Variants in RANBP17 observed in about 807,000 individuals in gnomAD.
RANBP17 encodes the protein ran-binding protein 17.
A neutral mutation model predicts 141.2 loss-of-function variants in RANBP17; 158 were observed. That is an observed-to-expected ratio of 1.12 (90% CI 0.98 to 1.28). The LOEUF (loss-of-function observed/expected upper bound fraction) is 1.28, where lower values mean the gene tolerates loss of function less well. Among genes scored for constraint, RANBP17 ranks in the 50% most tolerant of loss-of-function variants. The pLI, the probability that RANBP17 is intolerant of heterozygous loss-of-function variation, is 0.00. For synonymous variants in RANBP17, 430 were observed against 450.0 expected, an observed-to-expected ratio of 0.96 and a Z score of 0.56; for missense variants, 1,438 against 1,290.7, an observed-to-expected ratio of 1.11 and a Z score of -1.75.
At chr5:171,066,196 T>C (rs1784303645) in intron 14 of RANBP17, among the ~76,000 whole-genome samples, 1 of 152,178 alleles carries the variant, frequency 6.6e-6, no homozygotes, top group Admixed American at 6.5e-5. Flanking sequence ...GAAATAAAAC[T>C]AAATTTGTTC....
At chr5:170,871,384 C>A (rs1051549874) in intron 1 of RANBP17, among the ~76,000 whole-genome samples, 1 of 152,016 alleles carries the variant, frequency 6.6e-6, no homozygotes, top group African/African-American at 2.4e-5. Flanking sequence ...TTGTTTTTTT[C>A]TTTAAATTTG....
At chr5:171,252,449 C>T in intron 24 of RANBP17, 1 of 1,499,586 alleles carries the variant, frequency 6.7e-7, no homozygotes, top group South Asian at 1.1e-5. Context: ...ACATCAATTA[C>T]TCACTGCTTA....
At position 171,060,558 on chromosome 5, in the gene RANBP17, G is replaced by A. The variant is rs541806572; in HGVS notation, c.1710+92181G>A. 1.3e-3 allele frequency among the ~76,000 whole-genome samples: 204 copies of A among 152,172 alleles called. 2 individuals are homozygous for A. Among genetic ancestry groups the A allele is most frequent in the Middle Eastern group, 6.8e-3 (2 of 294 alleles). On this transcript the variant is annotated intron_variant, in intron 14 of 27. Transcript: ENST00000523189. The stretch of plus-strand genomic sequence containing the variant: ...AGCTTTTTGATGTGGTGCTGGATTC[G>A]GTTTGTCAGTATTTTATTGAGGATT...
At chr5:170,989,365 C>T (rs1778354246) in intron 14 of RANBP17, among the ~76,000 whole-genome samples, 1 of 151,710 alleles carries the variant, frequency 6.6e-6, no homozygotes, top group African/African-American at 2.4e-5. Context: ...CATTTGGAAA[C>T]ATAAGTCATA....
chr5:171,282,381 C>T (rs1000036215), intron 25 of RANBP17, among the ~76,000 whole-genome samples: 2 of 152,152 alleles, frequency 1.3e-5, no homozygotes, highest in African/African-American at 4.8e-5. Context: ...GTCCTCTTGA[C>T]GAAGGCACAG....
intron 22 of RANBP17, among the ~76,000 whole-genome samples, chr5:171,239,685 G>A (rs1764742162): frequency 6.6e-6 from 1 of 152,116 alleles, no homozygotes; most frequent in Non-Finnish European, 1.5e-5. Context: ...GGGGTGAGAA[G>A]GTAGCTGGTG....
At chr5:171,199,957 A>C (rs1762206743) in intron 19 of RANBP17, among the ~76,000 whole-genome samples, 184 bp downstream of exon 19, 1 of 152,170 alleles carries the variant, frequency 6.6e-6, no homozygotes. Context: ...ATGGACTTTG[A>C]GGTCAGCAAA....
intron 25 of RANBP17, among the ~76,000 whole-genome samples, chr5:171,290,741 A>C (rs1290715136): frequency 1.3e-5 from 2 of 152,224 alleles, no homozygotes; most frequent in African/African-American, 4.8e-5. Flanking sequence ...ATAGTTGTGA[A>C]GAGACTATAA....
chr5:170,878,356 G>T, intron 2 of RANBP17, 113 bp downstream of exon 2: 2 of 937,940 alleles, frequency 2.1e-6, no homozygotes, highest in Non-Finnish European at 3.0e-6. Context: ...TGGTTTTTTT[G>T]TTTTTGTGAA....
At chr5:171,131,537 A>G (rs1756920407) in intron 14 of RANBP17, among the ~76,000 whole-genome samples, 1 of 152,258 alleles carries the variant, frequency 6.6e-6, no homozygotes, top group African/African-American at 2.4e-5. Flanking sequence ...TTATTAGGCA[A>G]GGATTGTCTA....
At chr5:171,234,037 T>C (rs1764372480) in intron 22 of RANBP17, among the ~76,000 whole-genome samples, 1 of 151,440 alleles carries the variant, frequency 6.6e-6, no homozygotes, top group Non-Finnish European at 1.5e-5. Context: ...GCTGTGATCC[T>C]TAAACTCCTT....
intron 14 of RANBP17, among the ~76,000 whole-genome samples, chr5:170,992,592 A>G (rs1778578059): frequency 6.6e-6 from 1 of 152,070 alleles, no homozygotes; most frequent in African/African-American, 2.4e-5. Context: ...GCATATCTCC[A>G]TGGTACATGT....
chr5:171,186,253 T>C (rs573309362), intron 18 of RANBP17, among the ~76,000 whole-genome samples: 51 of 152,300 alleles, frequency 3.3e-4, no homozygotes, highest in Admixed American at 1.1e-3. Flanking sequence ...TTCATCTACA[T>C]TGAAAATCTG....
rs969649252 is a variant in RANBP17, at chr5:171,241,092, C to G, written c.2587C>G (p.Leu863Val). 2 of 1,613,722 alleles carry G rather than the reference C, an allele frequency of 1.2e-6. No homozygotes were observed. The highest frequency in any genetic ancestry group is 1.7e-6 in the Non-Finnish European group (2 of 1,179,906). ...TGGGGACAACCATTTTGACAATGTA[C>G]TCCAGGCTTTTGTCAAAATGCTGCT... Reference protein sequence around the residue: ...LYGDNHFDNVLQAFVKMLLSV... With the variant: ...LYGDNHFDNVVQAFVKMLLSV... Residue 863 changes from leucine (L) to valine (V), a missense_variant, in exon 23 of 28, where the codon CTC (leucine) becomes GTC (valine). Coordinates refer to ENST00000523189, the MANE Select transcript of RANBP17 (RefSeq NM_022897.5).
chr5:171,282,845 G>GTTTAACCATTCTCC (rs1767938811), intron 25 of RANBP17, among the ~76,000 whole-genome samples: 7 of 152,060 alleles, frequency 4.6e-5, no homozygotes, highest in African/African-American at 1.7e-4. Flanking sequence ...ACCCTGTGGA[G>GTTTAACCATTCTCC]AATGGTTAAA....
intron 5 of RANBP17, among the ~76,000 whole-genome samples, chr5:170,908,368 A>G (rs1295674784): frequency 6.6e-6 from 1 of 151,954 alleles, no homozygotes; most frequent in Non-Finnish European, 1.5e-5. Flanking sequence ...TTGCAGCAAC[A>G]TGGATGCAGC....
At chr5:170,936,264 G>A (rs1349565413) in intron 12 of RANBP17, among the ~76,000 whole-genome samples, 1 of 151,984 alleles carries the variant, frequency 6.6e-6, no homozygotes, top group East Asian at 1.9e-4. Context: ...ATGCCCCGCC[G>A]TGCTAGGTGG....
intron 14 of RANBP17, among the ~76,000 whole-genome samples, chr5:171,065,664 G>A (rs564662989): frequency 6.6e-6 from 1 of 152,114 alleles, no homozygotes; most frequent in East Asian, 1.9e-4. Context: ...TATACTAGAT[G>A]TTTATATGTA....
Position 170,955,681 on chromosome 5 carries a change from T to TATATATATACAC in RANBP17, c.1574+1980_1574+1981insTATATATACACA, listed in dbSNP as rs769742239. Among the ~76,000 whole-genome samples, 167 of 39,024 alleles carry TATATATATACAC rather than the reference T, an allele frequency of 4.3e-3. 12 individuals are homozygous for TATATATATACAC. The highest frequency in any genetic ancestry group is 0.011 in the South Asian group (7 of 666). The allele number at this position is 39,024 out of a possible 152,430, so 25.6% of individuals were successfully genotyped here. On this transcript the variant is annotated intron_variant, in intron 13 of 27. Transcript: ENST00000523189. Reference sequence around the variant, plus strand: ...ATATATATATATATATATATATATATACACTGAATGAACTCTGTAGAGGAA... The same window carrying TATATATATACAC: ...ATATATATATATATATATATATATATATATATATACACACACTGAATGAACTCTGTAGAGGAA...
Sources: gnomAD v4.1 joint callset for allele counts (sites outside exome capture counted in the v4.1 genomes callset) on GRCh38, gnomAD v4.1.1 for gene constraint, MANE v1.5 for transcripts, NCBI Gene and HGNC (gene_info 2026-07-23, HGNC 2026-07-21) for gene names.